Variants in GPC6 observed in about 807,000 individuals in gnomAD.
GPC6 encodes glypican-6.
A neutral mutation model predicts 55.2 loss-of-function variants in GPC6; 14 were observed. That is an observed-to-expected ratio of 0.25 (90% CI 0.17 to 0.40). The LOEUF is 0.40. Ranked by LOEUF, GPC6 falls within the 10% of genes least tolerant of loss-of-function variation. The probability of loss-of-function intolerance (pLI) is 1.00; values close to 1 mark genes in which losing one functional copy is unlikely to be tolerated. For missense variants in GPC6, 641 were observed against 708.5 expected, an observed-to-expected ratio of 0.90 and a Z score of 1.08; for synonymous variants, 278 against 259.6, an observed-to-expected ratio of 1.07 and a Z score of -0.68.
At chr13:94,067,250 C>A (rs1363617449) in intron 4 of GPC6, among the ~76,000 whole-genome samples, 1 of 152,076 alleles carries the variant, frequency 6.6e-6, no homozygotes, top group Non-Finnish European at 1.5e-5. Flanking sequence ...GCTTGAATAA[C>A]TTATTCATAC....
chr13:93,258,395 C>G (rs541968276), intron 1 of GPC6, among the ~76,000 whole-genome samples: 2 of 152,276 alleles, frequency 1.3e-5, no homozygotes, highest in African/African-American at 4.8e-5. Context: ...ATAGGGCTCT[C>G]TGTGCCATAA....
At chr13:93,647,276 T>G (rs897164117) in intron 2 of GPC6, among the ~76,000 whole-genome samples, 6 of 152,162 alleles carry the variant, frequency 3.9e-5, no homozygotes, top group Admixed American at 3.3e-4. Context: ...TTCTCTTTTT[T>G]CCAGCTAATT....
At position 94,100,860 on chromosome 13, in the gene GPC6, A is replaced by G. The variant is rs199704870; in HGVS notation, c.877+72966A>G. 7.2e-5 allele frequency among the ~76,000 whole-genome samples: 11 copies of G among 152,350 alleles called. No homozygotes were observed. In the East Asian group the frequency reaches 1.9e-3, roughly 27 times the overall value. On this transcript the variant is annotated intron_variant, in intron 4 of 8. Transcript: ENST00000377047. ...TACGTGAACCATTCTTAGTCCTCAG[A>G]GTATTTCTACAAGACCATTTATGTT...
rs1358284581 is a variant in GPC6 at position 93,685,818 on chromosome 13, T to A, written c.319+140397T>A. On this transcript the variant is annotated intron_variant, in intron 2 of 8. Transcript: ENST00000377047. ...TTATGAAAAATATTTTCTCAAATATTTTTCCTTGCGTTCACAACAACCCCA... is the reference window on the plus strand; with the variant it reads ...TTATGAAAAATATTTTCTCAAATATATTTCCTTGCGTTCACAACAACCCCA... Among the ~76,000 whole-genome samples the A allele has an allele frequency of 2.0e-5, 3 of 152,180 alleles. No individual in the cohort carries two copies. In the East Asian group the frequency reaches 5.8e-4, roughly 29 times the overall value.
chr13:93,849,028 A>T, intron 3 of GPC6, among the ~76,000 whole-genome samples: 1 of 152,052 alleles, frequency 6.6e-6, no homozygotes, highest in East Asian at 1.9e-4. Context: ...GTTGATTCAA[A>T]GTTTTCACAT....
intron 2 of GPC6, among the ~76,000 whole-genome samples, chr13:93,626,379 C>T (rs1226405170): frequency 6.6e-6 from 1 of 152,220 alleles, no homozygotes; most frequent in Admixed American, 6.5e-5. Flanking sequence ...CCAGCTCTCC[C>T]TCAAACATCT....
intron 3 of GPC6, among the ~76,000 whole-genome samples, chr13:93,955,495 G>T (rs1357282943): frequency 6.6e-6 from 1 of 152,004 alleles, no homozygotes; most frequent in Non-Finnish European, 1.5e-5. Flanking sequence ...CCAAGAGTGT[G>T]CCCAGAAGAC....
At chr13:93,955,243 G>GCACACACA (rs10524254) in intron 3 of GPC6, among the ~76,000 whole-genome samples, 2 of 136,178 alleles carry the variant, frequency 1.5e-5, no homozygotes, top group Non-Finnish European at 3.2e-5. Flanking sequence ...GAATGAACAT[G>GCACACACA]CACACACACA....
intron 1 of GPC6, among the ~76,000 whole-genome samples, chr13:93,515,854 G>C (rs1432656864): frequency 6.6e-6 from 1 of 152,046 alleles, no homozygotes; most frequent in Non-Finnish European, 1.5e-5. Flanking sequence ...TGAAATCTCA[G>C]AAAAAGTCAT....
At chr13:93,776,068 T>TGTTG (rs1885455877) in intron 2 of GPC6, among the ~76,000 whole-genome samples, 1 of 18,564 alleles carries the variant, frequency 5.4e-5, no homozygotes. Context: ...TTTCTTTTTT[T>TGTTG]GGGGGGTGGG....
At chr13:93,852,839 C>T (rs995556676) in intron 3 of GPC6, among the ~76,000 whole-genome samples, 2 of 151,674 alleles carry the variant, frequency 1.3e-5, no homozygotes, top group African/African-American at 4.8e-5. Flanking sequence ...ATTTCACCCT[C>T]TCTCTTATTG....
intron 3 of GPC6, among the ~76,000 whole-genome samples, chr13:93,837,170 A>G (rs962289099): frequency 2.0e-5 from 3 of 152,178 alleles, no homozygotes; most frequent in Non-Finnish European, 4.4e-5. Context: ...GTTCTTTTGT[A>G]GCTTGTGTAT....
chr13:94,343,377 G>A (rs185018428), intron 6 of GPC6, among the ~76,000 whole-genome samples: 1 of 152,058 alleles, frequency 6.6e-6, no homozygotes, highest in Non-Finnish European at 1.5e-5. Flanking sequence ...AAAAGCACAC[G>A]GCCTCTCATT....
chr13:93,527,316 C>T (rs1282576549), intron 1 of GPC6, among the ~76,000 whole-genome samples: 3 of 151,960 alleles, frequency 2.0e-5, no homozygotes, highest in African/African-American at 7.2e-5. Context: ...ACATTACGTT[C>T]GATGTAAAGA....
At chr13:94,296,966 C>A (rs116195343) in intron 5 of GPC6, among the ~76,000 whole-genome samples, 2 of 151,846 alleles carry the variant, frequency 1.3e-5, no homozygotes, top group African/African-American at 2.4e-5. Flanking sequence ...ATAATCAATG[C>A]GTTTGTTAAT....
At chr13:94,001,558 A>G (rs1881801756) in intron 3 of GPC6, among the ~76,000 whole-genome samples, 1 of 152,162 alleles carries the variant, frequency 6.6e-6, no homozygotes, top group African/African-American at 2.4e-5. Context: ...CTAGTGAGTA[A>G]GAATTATGAC....
intron 1 of GPC6, among the ~76,000 whole-genome samples, chr13:93,260,305 C>A (rs1877098263): frequency 6.6e-6 from 1 of 151,920 alleles, no homozygotes; most frequent in South Asian, 2.1e-4. Flanking sequence ...AAAATTTGGC[C>A]ATCACGTAAA....
At chr13:93,702,696 A>G (rs892959055) in intron 2 of GPC6, among the ~76,000 whole-genome samples, 5 of 152,020 alleles carry the variant, frequency 3.3e-5, no homozygotes, top group South Asian at 4.1e-4. Context: ...CAGCTCCTCC[A>G]TGACCACTTG....
At chr13:93,337,650 A>C (rs1282793964) in intron 1 of GPC6, among the ~76,000 whole-genome samples, 3 of 152,222 alleles carry the variant, frequency 2.0e-5, no homozygotes, top group Non-Finnish European at 4.4e-5. Flanking sequence ...CATCAAGTCG[A>C]CTGAAATGAC....
Sources: gnomAD v4.1 joint callset for allele counts (sites outside exome capture counted in the v4.1 genomes callset) on GRCh38, gnomAD v4.1.1 for gene constraint, MANE v1.5 for transcripts, NCBI Gene and HGNC (gene_info 2026-07-23, HGNC 2026-07-21) for gene names.